Variants in TPRG1 observed in about 807,000 individuals in gnomAD.
The protein encoded by TPRG1 is tumor protein p63 regulated 1, also known as tumor protein p63-regulated gene 1 protein.
A neutral mutation model predicts 29.3 loss-of-function variants in TPRG1; 29 were observed. The observed-to-expected ratio is 0.99, with a 90% CI of 0.74 to 1.35. The LOEUF is 1.35. Ranked by LOEUF, TPRG1 falls within the 40% of genes most tolerant of loss-of-function variation. The pLI is 0.00. For synonymous variants in TPRG1, 130 were observed against 116.8 expected (o/e 1.11, Z -0.73); for missense variants, 327 against 335.0 (o/e 0.98, Z 0.19).
intron 3 of TPRG1, among the ~76,000 whole-genome samples, chr3:189,137,264 C>A (rs1251489618): frequency 6.9e-6 from 1 of 145,254 alleles, no homozygotes; most frequent in South Asian, 2.2e-4. Context: ...ATTAAGAAAG[C>A]AACAAAATAA....
At chr3:189,002,688 A>T (rs1344807896) in intron 2 of TPRG1, among the ~76,000 whole-genome samples, 1 of 152,162 alleles carries the variant, frequency 6.6e-6, no homozygotes, top group Non-Finnish European at 1.5e-5. Flanking sequence ...GAATTTTATG[A>T]ATCTACATCT....
At chr3:189,029,730 A>G (rs1423263162) in intron 4 of TPRG1, among the ~76,000 whole-genome samples, 1 of 152,182 alleles carries the variant, frequency 6.6e-6, no homozygotes, top group African/African-American at 2.4e-5. Context: ...TCCTGGGGGC[A>G]GGTCCCTTGT....
intron 4 of TPRG1, among the ~76,000 whole-genome samples, chr3:189,240,774 C>G (rs1185361526): frequency 1.3e-5 from 2 of 152,204 alleles, no homozygotes; most frequent in African/African-American, 4.8e-5. Context: ...ATATCAAGGT[C>G]TCTCTGTGTA....
At chr3:189,217,756 C>T in intron 3 of TPRG1, 1 of 899,574 alleles carries the variant, frequency 1.1e-6, no homozygotes, top group Non-Finnish European at 1.3e-6. Flanking sequence ...CTAGTCTAGC[C>T]ACTGTTACTT....
At chr3:189,124,603 G>A (rs948541516) in intron 1 of TPRG1, among the ~76,000 whole-genome samples, 1 of 151,064 alleles carries the variant, frequency 6.6e-6, no homozygotes, top group African/African-American at 2.4e-5. Flanking sequence ...TATTAATATA[G>A]CTTTTCTTCA....
chr3:189,304,920 A>G (rs1469935654), intron 4 of TPRG1, among the ~76,000 whole-genome samples: 3 of 151,920 alleles, frequency 2.0e-5, no homozygotes, highest in Non-Finnish European at 4.4e-5. Context: ...TTGCTCACCC[A>G]TACTTACAAG....
At chr3:189,007,440 T>C (rs60848162) in intron 3 of TPRG1, among the ~76,000 whole-genome samples, 51 of 151,752 alleles carry the variant, frequency 3.4e-4, no homozygotes, top group African/African-American at 1.0e-3. Context: ...CACTTTTACA[T>C]TGTTGGTGGG....
intron 4 of TPRG1, among the ~76,000 whole-genome samples, chr3:189,293,581 G>A (rs1174689685): frequency 6.6e-6 from 1 of 152,158 alleles, no homozygotes; most frequent in East Asian, 1.9e-4. Context: ...TGCACTGACT[G>A]TTCTGGTTAA....
intron 3 of TPRG1, among the ~76,000 whole-genome samples, chr3:189,005,517 G>C (rs1309043253): frequency 6.6e-6 from 1 of 152,062 alleles, no homozygotes; most frequent in African/African-American, 2.4e-5. Flanking sequence ...AGCCAAAGTT[G>C]AATATTTAGT....
At chr3:189,098,086 A>T (rs183071511), upstream of TPRG1, among the ~76,000 whole-genome samples, 3 of 152,210 alleles carry the variant, frequency 2.0e-5, no homozygotes, top group Admixed American at 6.5e-5. Context: ...ATCAGGGGCC[A>T]GTGACCTAGT....
intron 4 of TPRG1, among the ~76,000 whole-genome samples, chr3:189,053,532 A>G (rs887228465): frequency 1.3e-5 from 2 of 152,162 alleles, no homozygotes; most frequent in Non-Finnish European, 1.5e-5. Flanking sequence ...TGATTGCCTA[A>G]GTGACCTTCC....
chr3:189,261,630 C>T (rs575334305), intron 4 of TPRG1, among the ~76,000 whole-genome samples: 9 of 152,068 alleles, frequency 5.9e-5, no homozygotes, highest in Non-Finnish European at 1.0e-4. Flanking sequence ...AGTCTCAATG[C>T]GATGCAAACG....
At chr3:189,159,631 A>G (rs1431906577) in intron 5 of TPRG1, among the ~76,000 whole-genome samples, 1 of 152,180 alleles carries the variant, frequency 6.6e-6, no homozygotes, top group Non-Finnish European at 1.5e-5. Flanking sequence ...ATCTGAAGTC[A>G]GCCAGGAGTC....
At chr3:189,078,095 T>TTCTCTCTTTCTC (rs1350887399) in intron 4 of TPRG1, among the ~76,000 whole-genome samples, 56 of 30,064 alleles carry the variant, frequency 1.9e-3, no homozygotes, top group African/African-American at 3.0e-3. Context: ...CTTTCTCTCT[T>TTCTCTCTTTCTC]TCTTTCTTTC....
intron 3 of TPRG1, among the ~76,000 whole-genome samples, chr3:189,222,154 T>A (rs1737039791): frequency 6.6e-6 from 1 of 152,184 alleles, no homozygotes; most frequent in Non-Finnish European, 1.5e-5. Flanking sequence ...TGCTGTTCAT[T>A]TGACTTTATT....
At chr3:189,126,297 A>T (rs1722481118) in intron 1 of TPRG1, among the ~76,000 whole-genome samples, 1 of 152,158 alleles carries the variant, frequency 6.6e-6, no homozygotes, top group Non-Finnish European at 1.5e-5. Flanking sequence ...TCTAGTATTA[A>T]AAAAATACCA....
chr3:189,094,577 T>C (rs922604043), intron 4 of TPRG1, among the ~76,000 whole-genome samples: 2 of 152,170 alleles, frequency 1.3e-5, no homozygotes, highest in African/African-American at 4.8e-5. Context: ...CTCCACCTCC[T>C]CACAGACTCC....
chr3:189,311,637 T>A (rs1407198513), intron 5 of TPRG1, among the ~76,000 whole-genome samples: 1 of 152,164 alleles, frequency 6.6e-6, no homozygotes, highest in Non-Finnish European at 1.5e-5. Context: ...AAAGTCAATG[T>A]TCCTCTCAAG....
chr3:189,115,410 G>A (rs545026897), intron 1 of TPRG1, among the ~76,000 whole-genome samples: 5 of 152,274 alleles, frequency 3.3e-5, no homozygotes, highest in African/African-American at 1.2e-4. Flanking sequence ...ATAGCTATAG[G>A]CTTTGATAAT....
Sources: allele counts gnomAD v4.1 joint callset (sites outside exome capture counted in the v4.1 genomes callset), GRCh38; gene constraint gnomAD v4.1.1; transcripts MANE v1.5; gene names NCBI Gene and HGNC (gene_info 2026-07-23, HGNC 2026-07-21).